Variants in LRRN4 observed in about 807,000 individuals in gnomAD.
The protein encoded by LRRN4 is leucine rich repeat neuronal 4.
A neutral mutation model predicts 22.3 loss-of-function variants in LRRN4; 26 were observed. The observed-to-expected ratio is 1.16, with a 90% confidence interval of 0.85 to 1.62. The LOEUF is 1.62. Ranked by LOEUF, LRRN4 falls within the 40% of genes most tolerant of loss-of-function variation. LRRN4 has a pLI of 0.00. For missense variants in LRRN4, 1,070 were observed against 1,008.5 expected, an observed-to-expected ratio of 1.06 and a Z score of -0.83; for synonymous variants, 496 against 486.2, an observed-to-expected ratio of 1.02 and a Z score of -0.26.
In LRRN4 at chr20:6,052,674, G is replaced by A. The variant is rs1240516332; in HGVS notation, c.126C>T (p.Asn42=). ...QQGPWGSSGS[N]ATDSPCEGLP... ...GCCCCTCGCAGGGCGAGTCGGTGGCGTTGCTGCCACTGCTCCCCCAGGGGC... is the reference window on the plus strand; with the variant it reads ...GCCCCTCGCAGGGCGAGTCGGTGGCATTGCTGCCACTGCTCCCCCAGGGGC... Residue 42 remains asparagine (N), a synonymous_variant, in exon 2 of 5, where the codon AAC becomes AAT. Transcript: ENST00000378858. 1.3e-6 allele frequency: 2 copies of A among 1,577,664 alleles called. No homozygotes were observed. Among genetic ancestry groups the A allele is most frequent in the African/African-American group, 1.3e-5 (1 of 74,696 alleles).
Position 6,041,225 on chromosome 20 carries a change from A to G in LRRN4, c.2020T>C (p.Phe674Leu), listed in dbSNP as rs761071116. The G allele has an allele frequency of 2.5e-6, 4 of 1,583,772 alleles. No homozygotes were observed. In the East Asian group the frequency reaches 6.8e-5, roughly 27 times the overall value. Residue 674 changes from phenylalanine to leucine, a missense_variant, in exon 5 of 5, where the codon TTC (phenylalanine) becomes CTC (leucine). Phe to Leu is a conservative substitution (Grantham distance 22). Transcript: ENST00000378858. This position sits in a 1 kb window ranked among gnomAD's most constrained non-coding sequence, Gnocchi z 9.4. ...AGCGCGAAGCTGGGCTTGGTGGTGAAGGCGGCGCACGGGCTCCTCCAGCCC... is the reference window on the plus strand; with the variant it reads ...AGCGCGAAGCTGGGCTTGGTGGTGAGGGCGGCGCACGGGCTCCTCCAGCCC... Reference protein sequence around the residue: ...SSGWRSPCAAFTTKPSFALLL... With the variant: ...SSGWRSPCAALTTKPSFALLL...
At position 6,041,382 on chromosome 20, in the gene LRRN4, C is replaced by T; in HGVS notation, c.1863G>A (p.Gly621=). 1.3e-6 allele frequency: 2 copies of T among 1,581,638 alleles called. No individual in the cohort carries two copies. Among genetic ancestry groups the T allele is most frequent in the South Asian group, 1.2e-5 (1 of 86,354 alleles). The change falls in exon 5 of 5, where the codon GGG becomes GGA. Residue 621 remains glycine (G), a synonymous_variant. Coordinates refer to ENST00000378858, the MANE Select transcript of LRRN4 (RefSeq NM_152611.5). This position sits in a 1 kb window ranked among gnomAD's most constrained non-coding sequence, Gnocchi z 9.4. The part of the protein sequence containing the change: ...QIRYSAEGWA[G]NQSVVGVIYA... ...AGATGACCCCCACCACCGACTGGTT[C>T]CCCGCCCAGCCCTCCGCAGAGTAGC...
At chr20:6,050,378 C>A (rs1600408010) in intron 3 of LRRN4, among the ~76,000 whole-genome samples, 1 of 152,320 alleles carries the variant, frequency 6.6e-6, no homozygotes, top group South Asian at 2.1e-4. Flanking sequence ...CTAACAATAT[C>A]AATACTTTCA....
At chr20:6,045,451 A>G (rs1169738312) in intron 3 of LRRN4, among the ~76,000 whole-genome samples, 1 of 148,414 alleles carries the variant, frequency 6.7e-6, no homozygotes, top group Non-Finnish European at 1.5e-5. Context: ...AAATAAAACA[A>G]AACAAAACAA....
rs1175279106 is a variant in LRRN4, at chr20:6,052,309, C to G, written c.491G>C (p.Arg164Pro). ...AGNPLRALQP[R>P]AFACFPALQL... ...CAGCGCGGGGAAGCAGGCGAAGGCCCGGGGCTGCAGCGCCCGCAGCGGATT... is the reference window on the plus strand; with the variant it reads ...CAGCGCGGGGAAGCAGGCGAAGGCCGGGGGCTGCAGCGCCCGCAGCGGATT... The change falls in exon 2 of 5, where the codon CGG becomes CCG. Residue 164 changes from arginine to proline, a missense_variant. Coordinates refer to ENST00000378858, the MANE Select transcript of LRRN4 (RefSeq NM_152611.5). The G allele has an allele frequency of 3.9e-6, 6 of 1,527,842 alleles. No individual in the cohort carries two copies. The highest frequency in any genetic ancestry group is 5.3e-6 in the Non-Finnish European group (6 of 1,142,000). The allele number at this position is 1,527,842 out of a possible 1,614,324, so 94.6% of individuals were successfully genotyped here.
At position 6,048,839 on chromosome 20, in the gene LRRN4, G is replaced by A. The variant is rs542658960; in HGVS notation, c.860+1940C>T. On this transcript the variant is annotated intron_variant, in intron 3 of 4. Coordinates refer to ENST00000378858, the MANE Select transcript of LRRN4 (RefSeq NM_152611.5). Reference sequence around the variant, plus strand: ...TGGAGGAGGACGCATTAGGCTTTAGGGAAGGGGATGGTGCTGGAGTAGTGC... The same window carrying A: ...TGGAGGAGGACGCATTAGGCTTTAGAGAAGGGGATGGTGCTGGAGTAGTGC... 2.4e-4 allele frequency among the ~76,000 whole-genome samples: 37 copies of A among 152,280 alleles called. No homozygotes were observed. In the South Asian group the frequency reaches 7.7e-3, roughly 32 times the overall value.
At chr20:6,049,785 G>A (rs773769395) in intron 3 of LRRN4, among the ~76,000 whole-genome samples, 13 of 151,544 alleles carry the variant, frequency 8.6e-5, no homozygotes, top group Non-Finnish European at 1.6e-4. Flanking sequence ...TTACAGGCAT[G>A]AGCCATCATG....
At chr20:6,051,537 T>A (rs1361255526) in intron 2 of LRRN4, among the ~76,000 whole-genome samples, 1 of 152,216 alleles carries the variant, frequency 6.6e-6, no homozygotes, top group Admixed American at 6.5e-5. Flanking sequence ...AAGTGTTTTT[T>A]AAAAAATAGT....
rs1980970138 is a variant in LRRN4, at chr20:6,041,947, G to A, written c.1298C>T (p.Thr433Met). Residue 433 changes from threonine to methionine, a missense_variant, in exon 5 of 5, where the codon ACG becomes ATG. Transcript: ENST00000378858. This position sits in a 1 kb window ranked among gnomAD's most constrained non-coding sequence, Gnocchi z 9.4. ...SDAREGTAPS[T>M]TNSVAGHSNS... ...GCTGTGACCTGCTACAGAGTTGGTC[G>A]TGGAGGGGGCAGTCCCCTCCCGTGC... 6.2e-7 allele frequency: 1 copy of A among 1,614,188 alleles called. No homozygotes were observed. The highest frequency in any genetic ancestry group is 2.2e-5 in the East Asian group (1 of 44,872).
At chr20:6,047,074 A>G (rs184426814) in intron 3 of LRRN4, among the ~76,000 whole-genome samples, 1 of 152,290 alleles carries the variant, frequency 6.6e-6, no homozygotes, top group Admixed American at 6.5e-5. Flanking sequence ...TTCTACATGT[A>G]AAGAAAATTA....
In LRRN4 at chr20:6,041,384, C is replaced by T; in HGVS notation, c.1861G>A (p.Gly621Arg). Reference sequence around the variant, plus strand: ...ATGACCCCCACCACCGACTGGTTCCCCGCCCAGCCCTCCGCAGAGTAGCGG... The same window carrying T: ...ATGACCCCCACCACCGACTGGTTCCTCGCCCAGCCCTCCGCAGAGTAGCGG... ...QIRYSAEGWA[G>R]NQSVVGVIYA... Residue 621 changes from glycine (G) to arginine (R), a missense_variant, in exon 5 of 5, where the codon GGG (glycine) becomes AGG (arginine). Gly to Arg is a moderately radical substitution (Grantham distance 125). Transcript: ENST00000378858. The surrounding 1 kb of genome is among the most constrained non-coding windows in gnomAD (Gnocchi z 9.4). The T allele has an allele frequency of 1.3e-6, 2 of 1,582,806 alleles. No homozygotes were observed.
At chr20:6,047,338 A>T (rs1981123025) in intron 3 of LRRN4, among the ~76,000 whole-genome samples, 1 of 152,046 alleles carries the variant, frequency 6.6e-6, no homozygotes, top group Non-Finnish European at 1.5e-5. Context: ...CAGTAGTTCC[A>T]TGTCATTTAC....
chr20:6,044,983 AT>A (rs1250647891), intron 3 of LRRN4, among the ~76,000 whole-genome samples: 1 of 152,096 alleles, frequency 6.6e-6, no homozygotes, highest in Non-Finnish European at 1.5e-5. Context: ...TTCAATCAGT[AT>A]TTTTGTGTGT....
At chr20:6,052,068 A>G in intron 2 of LRRN4, 77 bp downstream of exon 2, 4 of 1,476,700 alleles carry the variant, frequency 2.7e-6, no homozygotes. Context: ...GGAAGAACGC[A>G]GCCCTGCCCC....
At chr20:6,051,476 TA>T (rs775117496) in intron 2 of LRRN4, among the ~76,000 whole-genome samples, 10 of 152,210 alleles carry the variant, frequency 6.6e-5, no homozygotes, top group Non-Finnish European at 1.0e-4. Context: ...TTCCCCATTC[TA>T]GCTGTTTTTT....
rs1178064385 is a variant in LRRN4 at position 6,052,682 on chromosome 20, C to T, written c.118G>A (p.Gly40Ser). Residue 40 changes from glycine (G) to serine (S), a missense_variant, in exon 2 of 5, where the codon GGC becomes AGC. Coordinates refer to ENST00000378858, the MANE Select transcript of LRRN4 (RefSeq NM_152611.5). ...VTQQGPWGSS[G>S]SNATDSPCEG... is the part of the protein sequence containing the mutation. ...CAGGGCGAGTCGGTGGCGTTGCTGC[C>T]ACTGCTCCCCCAGGGGCCCTGCTGA... The T allele has an allele frequency of 6.3e-7, 1 of 1,575,056 alleles. No individual in the cohort carries two copies. The highest frequency in any genetic ancestry group is 8.6e-7 in the Non-Finnish European group (1 of 1,168,172).
In LRRN4 at chr20:6,041,287, G is replaced by A; in HGVS notation, c.1958C>T (p.Ala653Val). The change falls in exon 5 of 5, where the codon GCG (alanine) becomes GTG (valine). Residue 653 changes from alanine to valine, a missense_variant. Ala to Val is a moderately conservative substitution (Grantham distance 64, BLOSUM62 0). Transcript: ENST00000378858. This position sits in a 1 kb window ranked among gnomAD's most constrained non-coding sequence, Gnocchi z 9.4. Reference sequence around the variant, plus strand: ...CTGGCTCAAGCCCGCCCTGTTGGCCGCCAGCACGCACACGCGGTAGGTGGT... The same window carrying A: ...CTGGCTCAAGCCCGCCCTGTTGGCCACCAGCACGCACACGCGGTAGGTGGT... ...PGTTYRVCVLAANRAGLSQPR... is the reference protein window; with the variant it reads ...PGTTYRVCVLVANRAGLSQPR... 24 of 1,592,194 alleles carry A rather than the reference G, an allele frequency of 1.5e-5. No homozygotes were observed. Among genetic ancestry groups the A allele is most frequent in the Non-Finnish European group, 2.0e-5 (24 of 1,172,326 alleles).
At chr20:6,051,301 T>A (rs1195345557) in intron 2 of LRRN4, among the ~76,000 whole-genome samples, 1 of 152,214 alleles carries the variant, frequency 6.6e-6, no homozygotes, top group African/African-American at 2.4e-5. Flanking sequence ...CTGTTGCTGC[T>A]CCACCTTCTC....
At chr20:6,049,830 A>T (rs1981203200) in intron 3 of LRRN4, among the ~76,000 whole-genome samples, 1 of 151,560 alleles carries the variant, frequency 6.6e-6, no homozygotes, top group African/African-American at 2.4e-5. Flanking sequence ...TCATACAATC[A>T]TCACTATCCT....
Sources: allele counts gnomAD v4.1 joint callset (sites outside exome capture counted in the v4.1 genomes callset), GRCh38; gene constraint gnomAD v4.1.1; non-coding constraint Gnocchi (gnomAD v3.1); transcripts MANE v1.5; gene names NCBI Gene and HGNC (gene_info 2026-07-23, HGNC 2026-07-21).